KIRREL3: variants seen among roughly 807,000 people sequenced by gnomAD.
KIRREL3 encodes the protein kirre like nephrin family adhesion molecule 3.
A neutral mutation model predicts 89.7 loss-of-function variants in KIRREL3; 36 were observed. The ratio of observed to expected loss-of-function variants is 0.40; its 90% CI spans 0.31 to 0.53. The LOEUF (loss-of-function observed/expected upper bound fraction) is 0.53. KIRREL3 is among the 20% of genes least tolerant of loss of function. KIRREL3 has a pLI of 0.49. For synonymous variants in KIRREL3, 445 were observed against 441.4 expected (o/e 1.01, Z -0.10); for missense variants, 864 against 1,056.6 (o/e 0.82, Z 2.53).
rs373938588 is a variant in KIRREL3 at position 126,535,184 on chromosome 11, G to A, written c.134-8497C>T. Among the ~76,000 whole-genome samples the A allele has an allele frequency of 6.6e-6, 1 of 152,050 alleles. No homozygotes were observed. Among genetic ancestry groups the A allele is most frequent in the Non-Finnish European group, 1.5e-5 (1 of 68,012 alleles). Reference sequence around the variant, plus strand: ...AGTTGTTTCCCCACCCTCCTCCATCGGGACTCCTCCTGACTGCTCTTCCCA... The same window carrying A: ...AGTTGTTTCCCCACCCTCCTCCATCAGGACTCCTCCTGACTGCTCTTCCCA... On this transcript the variant is annotated intron_variant, in intron 2 of 16. Transcript: ENST00000525144. The surrounding 1 kb of genome is among the most constrained non-coding windows in gnomAD (Gnocchi z 4.5).
Position 126,669,856 on chromosome 11 carries a change from A to T in KIRREL3, c.56-106944T>A, listed in dbSNP as rs185448705. On this transcript the variant is annotated intron_variant, in intron 1 of 16. Coordinates refer to ENST00000525144, the MANE Select transcript of KIRREL3 (RefSeq NM_032531.4). This position sits in a 1 kb window ranked among gnomAD's most constrained non-coding sequence, Gnocchi z 5.0. ...TCCTAAATCTTTTTTTGGAGGTCTAATAATTACCGAAAACTGTAACATGTA... is the reference window on the plus strand; with the variant it reads ...TCCTAAATCTTTTTTTGGAGGTCTATTAATTACCGAAAACTGTAACATGTA... 3.3e-5 allele frequency among the ~76,000 whole-genome samples: 5 copies of T among 152,274 alleles called. No individual in the cohort carries two copies. In the East Asian group the frequency reaches 5.8e-4, roughly 18 times the overall value.
rs545315922 is a variant in KIRREL3, at chr11:126,498,491, G to A, written c.433+22824C>T. The stretch of plus-strand genomic sequence containing the variant: ...CACTATCCTGTCTGTCAGGTAAGGG[G>A]TGGCAGCGAGAGATAATTATAATCA... On this transcript the variant is annotated intron_variant, in intron 4 of 16. Coordinates refer to ENST00000525144, the MANE Select transcript of KIRREL3 (RefSeq NM_032531.4). The surrounding 1 kb of genome is among the most constrained non-coding windows in gnomAD (Gnocchi z 4.3). Among the ~76,000 whole-genome samples the A allele has an allele frequency of 1.8e-4, 27 of 152,304 alleles. No homozygotes were observed. The South Asian group carries it at 5.4e-3, about 30-fold the overall frequency.
At chr11:126,942,686 T>C (rs1171659711) in intron 1 of KIRREL3, among the ~76,000 whole-genome samples, 1 of 152,226 alleles carries the variant, frequency 6.6e-6, no homozygotes, top group Non-Finnish European at 1.5e-5. Flanking sequence ...TCCTTCAGTG[T>C]AATGCAACCT....
intron 1 of KIRREL3, among the ~76,000 whole-genome samples, chr11:126,663,182 C>CTTTTTTTTT (rs61217908): frequency 4.4e-5 from 4 of 90,802 alleles, no homozygotes; most frequent in African/African-American, 4.4e-5. Flanking sequence ...TCATGTCTGG[C>CTTTTTTTTT]TTTTTTTTTT....
intron 1 of KIRREL3, among the ~76,000 whole-genome samples, chr11:126,630,828 C>CCCATGGCAACTCCA (rs1257645687): frequency 2.6e-5 from 4 of 152,150 alleles, no homozygotes. Context: ...AGAACTGCCA[C>CCCATGGCAACTCCA]CCATGGCAAC....
At position 126,678,599 on chromosome 11, in the gene KIRREL3, C is replaced by CAAAAAAAAAAAAAAAAAAA. The variant is rs59342253; in HGVS notation, c.56-115706_56-115688dup. The stretch of plus-strand genomic sequence containing the variant: ...TGGGCGATAGAGCAAGACTCTGTCT[C>CAAAAAAAAAAAAAAAAAAA]AAAAAAAAAAAAAAAAAAAAAAAAA... On this transcript the variant is annotated intron_variant, in intron 1 of 16. Coordinates refer to ENST00000525144, the MANE Select transcript of KIRREL3 (RefSeq NM_032531.4). Among the ~76,000 whole-genome samples the CAAAAAAAAAAAAAAAAAAA allele has an allele frequency of 3.6e-4, 18 of 50,042 alleles. 3 individuals carry two copies. Among genetic ancestry groups the CAAAAAAAAAAAAAAAAAAA allele is most frequent in the African/African-American group, 5.7e-4 (7 of 12,224 alleles). 32.8% of individuals were successfully genotyped at this position (50,042 alleles called of 152,430 possible).
Position 126,963,310 on chromosome 11 carries a change from TACAC to T in KIRREL3, c.55+37141_55+37144del, listed in dbSNP as rs10626906. Among the ~76,000 whole-genome samples, 978 of 146,162 alleles carry T rather than the reference TACAC, an allele frequency of 6.7e-3. 7 individuals carry two copies. The highest frequency in any genetic ancestry group is 0.023 in the African/African-American group (909 of 39,856). On this transcript the variant is annotated intron_variant, in intron 1 of 16. Transcript: ENST00000525144. ...CATCCTTCACCAAACAGAACACACATACACACACACACACACACACACACAGACA... is the reference window on the plus strand; with the variant it reads ...CATCCTTCACCAAACAGAACACACATACACACACACACACACACACAGACA...
chr11:126,956,583 T>C (rs776213036), intron 1 of KIRREL3, among the ~76,000 whole-genome samples: 3 of 152,202 alleles, frequency 2.0e-5, no homozygotes, highest in Non-Finnish European at 4.4e-5. Context: ...GTGACTCCAG[T>C]AAAAATGATG....
In KIRREL3 at chr11:126,491,125, A is replaced by ACTTT. The variant is rs1957500276; in HGVS notation, c.434-17660_434-17659insAAAG. On this transcript the variant is annotated intron_variant, in intron 4 of 16. Coordinates refer to ENST00000525144, the MANE Select transcript of KIRREL3 (RefSeq NM_032531.4). The surrounding 1 kb of genome is among the most constrained non-coding windows in gnomAD (Gnocchi z 5.5). ...ACCGGAATCCCAAAGACAAGCCCTGAGTCTCCAGGCCACCACTTTCTACCT... is the reference window on the plus strand; with the variant it reads ...ACCGGAATCCCAAAGACAAGCCCTGACTTTGTCTCCAGGCCACCACTTTCTACCT... Among the ~76,000 whole-genome samples, 1 of 152,200 alleles carries ACTTT rather than the reference A, an allele frequency of 6.6e-6. No homozygotes were observed. Among genetic ancestry groups the ACTTT allele is most frequent in the African/African-American group, 2.4e-5 (1 of 41,454 alleles).
chr11:126,507,818 A>G (rs1336760791), intron 4 of KIRREL3, among the ~76,000 whole-genome samples: 1 of 152,194 alleles, frequency 6.6e-6, no homozygotes, highest in Non-Finnish European at 1.5e-5. Context: ...CCTGGACGTG[A>G]GACGGGGAAG....
chr11:126,632,518 A>G (rs1944073273), intron 1 of KIRREL3, among the ~76,000 whole-genome samples: 1 of 152,226 alleles, frequency 6.6e-6, no homozygotes, highest in Non-Finnish European at 1.5e-5. Context: ...AGCTTGTTAC[A>G]CGTAATGTGT....
chr11:127,000,925 G>A (rs1950301069), upstream of KIRREL3: 4 of 362,202 alleles, frequency 1.1e-5, no homozygotes, highest in Non-Finnish European at 2.0e-5. This position sits in a 1 kb window ranked among gnomAD's most constrained non-coding sequence, Gnocchi z 7.1. Context: ...GGAAACACTC[G>A]GAAAAAGGAG....
At chr11:126,871,057 T>G (rs1272153184) in intron 1 of KIRREL3, among the ~76,000 whole-genome samples, 1 of 152,152 alleles carries the variant, frequency 6.6e-6, no homozygotes, top group Non-Finnish European at 1.5e-5. Context: ...CCACGGAGCC[T>G]CTTTTGATGA....
In KIRREL3 at chr11:126,771,253, C is replaced by T. The variant is rs1353183280; in HGVS notation, c.56-208341G>A. 6.8e-6 allele frequency among the ~76,000 whole-genome samples: 1 copy of T among 147,318 alleles called. No individual in the cohort carries two copies. The highest frequency in any genetic ancestry group is 2.6e-5 in the African/African-American group (1 of 38,296). On this transcript the variant is annotated intron_variant, in intron 1 of 16. Coordinates refer to ENST00000525144, the MANE Select transcript of KIRREL3 (RefSeq NM_032531.4). This position sits in a 1 kb window ranked among gnomAD's most constrained non-coding sequence, Gnocchi z 4.4. ...CAAGGAAGGGAATTTTATTCCCTTA[C>T]TGTTTTTTTTTTTAAACAGATGAGG...
At chr11:126,507,822 G>A (rs11601028) in intron 4 of KIRREL3, among the ~76,000 whole-genome samples, 2,749 of 152,330 alleles carry the variant, frequency 0.018, 42 homozygotes, top group South Asian at 0.083. Flanking sequence ...GACGTGAGAC[G>A]GGGAAGTCCC....
At chr11:126,461,660 T>C (rs1265875092) in intron 6 of KIRREL3, among the ~76,000 whole-genome samples, 1 of 152,142 alleles carries the variant, frequency 6.6e-6, no homozygotes, top group East Asian at 1.9e-4. Context: ...CTCTGGAATC[T>C]AAATGGTGTC....
chr11:126,663,891 G>T (rs1188758112), intron 1 of KIRREL3, among the ~76,000 whole-genome samples: 1 of 152,246 alleles, frequency 6.6e-6, no homozygotes, highest in African/African-American at 2.4e-5. Context: ...CACAGGGCCT[G>T]CTCTGACTAT....
At position 126,906,299 on chromosome 11, in the gene KIRREL3, G is replaced by A. The variant is rs540434844; in HGVS notation, c.55+94156C>T. On this transcript the variant is annotated intron_variant, in intron 1 of 16. Transcript: ENST00000525144. This position sits in a 1 kb window ranked among gnomAD's most constrained non-coding sequence, Gnocchi z 4.1. ...TCCAAACCTCACGCCTTGTGTGACT[G>A]ATGAGCCACTTTTCGTTGTTTGCTT... 6.6e-6 allele frequency among the ~76,000 whole-genome samples: 1 copy of A among 152,326 alleles called. No homozygotes were observed. The highest frequency in any genetic ancestry group is 2.4e-5 in the African/African-American group (1 of 41,568).
rs190418358 is a variant in KIRREL3 at position 126,900,222 on chromosome 11, A to T, written c.55+100233T>A. Among the ~76,000 whole-genome samples, 46 of 152,316 alleles carry T rather than the reference A, an allele frequency of 3.0e-4. No individual in the cohort carries two copies. Among genetic ancestry groups the T allele is most frequent in the African/African-American group, 1.1e-3 (46 of 41,574 alleles). The stretch of plus-strand genomic sequence containing the variant: ...ATAGCAAGTCACCTACTACTAGAAC[A>T]TCGGCCCTTCAGTTTTGGATCACTT... On this transcript the variant is annotated intron_variant, in intron 1 of 16. Transcript: ENST00000525144. This position sits in a 1 kb window ranked among gnomAD's most constrained non-coding sequence, Gnocchi z 4.4.
Sources: gnomAD v4.1 joint callset for allele counts (sites outside exome capture counted in the v4.1 genomes callset) on GRCh38, gnomAD v4.1.1 for gene constraint, Gnocchi (gnomAD v3.1) non-coding constraint, MANE v1.5 for transcripts, NCBI Gene and HGNC (gene_info 2026-07-23, HGNC 2026-07-21) for gene names.